Variants in PGPEP1L observed in about 807,000 individuals in gnomAD.
The protein encoded by PGPEP1L is pyroglutamyl-peptidase I like.
In PGPEP1L, 7 loss-of-function variants were observed where a neutral mutation model predicts 6.0. The observed-to-expected ratio is 1.17, with a 90% CI of 0.66 to 2.19. The LOEUF is 2.19. Ranked by LOEUF, PGPEP1L falls within the 30% of genes most tolerant of loss-of-function variation. The pLI, the probability that PGPEP1L is intolerant of heterozygous loss-of-function variation, is 0.00. For missense variants in PGPEP1L, 209 were observed against 192.5 expected (o/e 1.09, Z -0.51); for synonymous variants, 103 against 83.9 (o/e 1.23, Z -1.24).
At chr15:98,970,624 G>A (rs1263937956) in intron 3 of PGPEP1L, among the ~76,000 whole-genome samples, 1 of 152,060 alleles carries the variant, frequency 6.6e-6, no homozygotes, top group Non-Finnish European at 1.5e-5. Flanking sequence ...GTGCTATGAA[G>A]ATGGGCCTCC....
At chr15:98,988,257 C>T (rs2017774789) in intron 2 of PGPEP1L, among the ~76,000 whole-genome samples, 1 of 152,158 alleles carries the variant, frequency 6.6e-6, no homozygotes, top group South Asian at 2.1e-4. Flanking sequence ...ATTCTCACTG[C>T]AGCATAGCAG....
rs1488859807 is a variant in PGPEP1L, at chr15:98,969,422, T to TAC, written c.209+1_209+2dup. On this transcript the variant is annotated splice_region_variant and intron_variant, in intron 4 of 4. Transcript: ENST00000535714. ...TCAGAGTCCTGACACCCACAGAGCA[T>TAC]ACCTGCCTGCATCTCGGGAAAAGAT... The TAC allele has an allele frequency of 3.7e-6, 6 of 1,613,820 alleles. No individual in the cohort carries two copies. Among genetic ancestry groups the TAC allele is most frequent in the Admixed American group, 3.3e-5 (2 of 60,006 alleles).
intron 2 of PGPEP1L, among the ~76,000 whole-genome samples, chr15:99,003,494 C>T (rs1391644688): frequency 6.6e-6 from 1 of 151,890 alleles, no homozygotes; most frequent in Non-Finnish European, 1.5e-5. Flanking sequence ...GAGGGATGCA[C>T]GTTTTCTCAC....
At chr15:99,000,323 G>A (rs1197113899) in intron 2 of PGPEP1L, among the ~76,000 whole-genome samples, 3 of 152,210 alleles carry the variant, frequency 2.0e-5, no homozygotes, top group Non-Finnish European at 4.4e-5. Flanking sequence ...GAGCCTCCCA[G>A]ACAAGCTGGC....
rs782253771 is a variant in PGPEP1L at position 99,001,219 on chromosome 15, G to A, written c.-142+4210C>T. ...GTCCGCGGCTTCATTCTTGAAGTCA[G>A]TGAGACCAACAACCCACCAATTCTG... On this transcript the variant is annotated intron_variant, in intron 2 of 4. Transcript: ENST00000535714. 15 of 412,044 alleles carry A rather than the reference G, an allele frequency of 3.6e-5. 1 individual carries two copies. The highest frequency in any genetic ancestry group is 2.6e-4 in the South Asian group (15 of 58,244). 25.5% of individuals were successfully genotyped at this position (412,044 alleles called of 1,614,324 possible).
Position 98,977,397 on chromosome 15 carries a change from T to C in PGPEP1L, c.-141-6239A>G, listed in dbSNP as rs985024239. On this transcript the variant is annotated intron_variant, in intron 2 of 4. Coordinates refer to ENST00000535714, the MANE Select transcript of PGPEP1L (RefSeq NM_001167902.2). ...CCCTCTGATATGTTTTAATTTTCATTCATTTCAAAATGCTTGCTAATTTCC... is the reference window on the plus strand; with the variant it reads ...CCCTCTGATATGTTTTAATTTTCATCCATTTCAAAATGCTTGCTAATTTCC... Among the ~76,000 whole-genome samples the C allele has an allele frequency of 2.0e-5, 3 of 152,268 alleles. No individual in the cohort carries two copies. In the South Asian group the frequency reaches 6.2e-4, roughly 31 times the overall value.
At chr15:98,982,083 A>G (rs1243171773) in intron 2 of PGPEP1L, among the ~76,000 whole-genome samples, 1 of 152,250 alleles carries the variant, frequency 6.6e-6, no homozygotes, top group African/African-American at 2.4e-5. Context: ...GTCTGTGAAT[A>G]GCAAACTTTT....
chr15:98,969,978 G>C (rs1567233716), intron 3 of PGPEP1L, among the ~76,000 whole-genome samples: 2 of 152,120 alleles, frequency 1.3e-5, no homozygotes, highest in Non-Finnish European at 1.5e-5. Flanking sequence ...CTAGTAAGTG[G>C]TGAGGCTACC....
rs775691904 is a variant in PGPEP1L at position 98,994,376 on chromosome 15, C to T, written c.-142+11053G>A. Among the ~76,000 whole-genome samples the T allele has an allele frequency of 1.1e-4, 17 of 151,074 alleles. 1 individual carries two copies. Among genetic ancestry groups the T allele is most frequent in the Non-Finnish European group, 1.8e-4 (12 of 67,712 alleles). Reference sequence around the variant, plus strand: ...AAAGCCTAACAAGAAGCTACTGGCCCGGCGTGGTGGCTCACACCTGTAATC... The same window carrying T: ...AAAGCCTAACAAGAAGCTACTGGCCTGGCGTGGTGGCTCACACCTGTAATC... On this transcript the variant is annotated intron_variant, in intron 2 of 4. Transcript: ENST00000535714.
intron 2 of PGPEP1L, among the ~76,000 whole-genome samples, chr15:98,996,866 G>C (rs2017896384): frequency 6.6e-6 from 1 of 152,156 alleles, no homozygotes; most frequent in South Asian, 2.1e-4. Context: ...TTTAGTAATA[G>C]AAGAATTATA....
intron 2 of PGPEP1L, among the ~76,000 whole-genome samples, chr15:98,993,411 CA>C (rs1430873348): frequency 6.6e-6 from 1 of 152,142 alleles, no homozygotes; most frequent in Non-Finnish European, 1.5e-5. Flanking sequence ...CATCTCATGC[CA>C]GTTAGAATGG....
intron 1 of PGPEP1L, 133 bp from the exon 2 acceptor site, chr15:99,005,789 T>C (rs2018048150): frequency 6.6e-6 from 1 of 152,292 alleles, no homozygotes; most frequent in Admixed American, 6.5e-5. Flanking sequence ...GGTTCAAAGG[T>C]GAGCTAAGGG....
chr15:98,972,585 T>C (rs2017513232), intron 2 of PGPEP1L, among the ~76,000 whole-genome samples: 1 of 151,834 alleles, frequency 6.6e-6, no homozygotes, highest in East Asian at 1.9e-4. Flanking sequence ...AAAGGTGCAG[T>C]GGGCCGGGCA....
intron 2 of PGPEP1L, among the ~76,000 whole-genome samples, chr15:98,996,738 C>A (rs533700276): frequency 6.6e-6 from 1 of 152,106 alleles, no homozygotes; most frequent in Non-Finnish European, 1.5e-5. Flanking sequence ...CCTTTACCTT[C>A]TGCTTGCCCA....
At chr15:98,996,888 T>G (rs898617401) in intron 2 of PGPEP1L, among the ~76,000 whole-genome samples, 1 of 152,200 alleles carries the variant, frequency 6.6e-6, no homozygotes, top group Non-Finnish European at 1.5e-5. Context: ...CTGTGAGCAC[T>G]GGCAATATGC....
intron 2 of PGPEP1L, among the ~76,000 whole-genome samples, chr15:98,997,645 G>A (rs1555472605): frequency 6.6e-6 from 1 of 152,158 alleles, no homozygotes; most frequent in African/African-American, 2.4e-5. Flanking sequence ...CTGTGCCCAG[G>A]TGCTAAAATA....
chr15:99,006,391 C>T (rs1429202969), intron 1 of PGPEP1L, among the ~76,000 whole-genome samples: 1 of 152,240 alleles, frequency 6.6e-6, no homozygotes, highest in African/African-American at 2.4e-5. Context: ...GAGCCACAGC[C>T]GTGGCATGCC....
intron 2 of PGPEP1L, 118 bp from the exon 3 acceptor site, chr15:98,971,276 G>T: frequency 7.4e-7 from 1 of 1,342,542 alleles, no homozygotes. Flanking sequence ...CCGCAGCCTG[G>T]ACTTTGCCCT....
chr15:98,996,451 C>T (rs544839312), intron 2 of PGPEP1L, among the ~76,000 whole-genome samples: 47 of 152,256 alleles, frequency 3.1e-4, no homozygotes, highest in Admixed American at 7.2e-4. Flanking sequence ...CACTCACTCA[C>T]CTCAGCCTGA....
Sources: gnomAD v4.1 joint callset for allele counts (sites outside exome capture counted in the v4.1 genomes callset) on GRCh38, gnomAD v4.1.1 for gene constraint, MANE v1.5 for transcripts, NCBI Gene and HGNC (gene_info 2026-07-23, HGNC 2026-07-21) for gene names.